STK36: variants seen among roughly 807,000 people sequenced by gnomAD.
STK36 encodes the protein serine/threonine kinase 36.
Under a neutral mutation model 142.2 loss-of-function variants are expected in STK36, and 116 were observed. The ratio of observed to expected loss-of-function variants is 0.82; its 90% CI spans 0.70 to 0.95. STK36 has a LOEUF of 0.95. STK36 is among the 40% of genes least tolerant of loss of function. The probability of loss-of-function intolerance (pLI) is 0.00; values close to 1 mark genes in which losing one functional copy is unlikely to be tolerated. For missense variants in STK36, 1,422 were observed against 1,617.2 expected (o/e 0.88, Z 2.07); for synonymous variants, 619 against 641.7 (o/e 0.96, Z 0.53).
chr2:218,673,300 A>T (rs1940074400), intron 2 of STK36: 1 of 392,960 alleles, frequency 2.5e-6, no homozygotes, highest in East Asian at 4.7e-5. Flanking sequence ...TAAGAGGTAA[A>T]CCACTTGAAC....
At chr2:218,683,869 A>T (rs547403156) in intron 10 of STK36, among the ~76,000 whole-genome samples, 23 of 151,476 alleles carry the variant, frequency 1.5e-4, no homozygotes, top group Non-Finnish European at 5.9e-5. Context: ...TTTACTGAGA[A>T]TGATGATTTC....
chr2:218,674,062 G>T, intron 4 of STK36, 106 bp downstream of exon 4: 1 of 1,130,236 alleles, frequency 8.8e-7, no homozygotes, highest in South Asian at 1.5e-5. Flanking sequence ...AAAGACTTCT[G>T]AGAAGAATAT....
At chr2:218,687,738 T>C (rs1209800354) in intron 11 of STK36, among the ~76,000 whole-genome samples, 1 of 152,232 alleles carries the variant, frequency 6.6e-6, no homozygotes, top group East Asian at 1.9e-4. Context: ...ATAAAATGGC[T>C]AATTCTATTT....
chr2:218,697,013 C>T (rs1941258436), intron 22 of STK36, 26 bp from the exon 23 acceptor site: 2 of 1,612,132 alleles, frequency 1.2e-6, no homozygotes. Flanking sequence ...GTCTTTCCCC[C>T]CGCCCTCTTT....
chr2:218,680,967 A>G (rs887026200), intron 10 of STK36, among the ~76,000 whole-genome samples: 14 of 152,166 alleles, frequency 9.2e-5, no homozygotes, highest in African/African-American at 3.4e-4. Flanking sequence ...TCTCCTCCCA[A>G]ACTTTCTGTA....
chr2:218,689,449 C>T (rs560176707), intron 12 of STK36, among the ~76,000 whole-genome samples: 4 of 152,270 alleles, frequency 2.6e-5, no homozygotes, highest in South Asian at 2.1e-4. Context: ...ACCTCTACTT[C>T]CCCCTGCTGT....
rs367559368 is a variant in STK36 at position 218,697,538 on chromosome 2, A to G, written c.2837A>G (p.Gln946Arg). Reference protein sequence around the residue: ...EPQLCLSCLSQHGSILMSILK... With the variant: ...EPQLCLSCLSRHGSILMSILK... Reference sequence around the variant, plus strand: ...CAGTTATGCCTGAGCTGCCTGTCCCAGCATGGAAGTATCCTCATGTCCATC... The same window carrying G: ...CAGTTATGCCTGAGCTGCCTGTCCCGGCATGGAAGTATCCTCATGTCCATC... Residue 946 changes from glutamine (Q) to arginine (R), a missense_variant, in exon 24 of 27, where the codon CAG (glutamine) becomes CGG (arginine). Around this residue, in one of 2 missense-constraint regions of STK36, gnomAD observed 962 missense variants for 1,167.5 expected, o/e 0.82. Transcript: ENST00000295709. The G allele has an allele frequency of 3.1e-6, 5 of 1,614,100 alleles. No homozygotes were observed. The highest frequency in any genetic ancestry group is 4.2e-6 in the Non-Finnish European group (5 of 1,180,042).
rs777855439 is a variant in STK36 at position 218,693,285 on chromosome 2, C to T, written c.2089C>T (p.Leu697Phe). The T allele has an allele frequency of 5.6e-6, 9 of 1,614,120 alleles. No homozygotes were observed. Among genetic ancestry groups the T allele is most frequent in the Non-Finnish European group, 7.6e-6 (9 of 1,180,056 alleles). Reference sequence around the variant, plus strand: ...TCAGCTAACTGAAGACAGCAGCCAGCTCAGGCCATCCCTCATCTCTGGCCT... The same window carrying T: ...TCAGCTAACTGAAGACAGCAGCCAGTTCAGGCCATCCCTCATCTCTGGCCT... ...ANQLTEDSSQLRPSLISGLQH... is the reference protein window; with the variant it reads ...ANQLTEDSSQFRPSLISGLQH... Residue 697 changes from leucine to phenylalanine, a missense_variant, in exon 17 of 27, where the codon CTC (leucine) becomes TTC (phenylalanine). Transcript: ENST00000295709.
rs202118575 is a variant in STK36 at position 218,675,377 on chromosome 2, T to A, written c.338T>A (p.Leu113Gln). The change falls in exon 5 of 27, where the codon CTG becomes CAG. Residue 113 changes from leucine (L) to glutamine (Q), a missense_variant. Transcript: ENST00000295709. ...QAIAAQLVSA[L>Q]YYLHSHRILH... ...ATTGCTGCCCAGTTGGTGTCAGCCC[T>A]GTACTATCTGCATTCCCACCGCATC... 1 of 1,613,968 alleles carries A rather than the reference T, an allele frequency of 6.2e-7. No individual in the cohort carries two copies. Among genetic ancestry groups the A allele is most frequent in the East Asian group, 2.2e-5 (1 of 44,878 alleles).
chr2:218,685,913 C>T (rs1559336632), intron 11 of STK36, among the ~76,000 whole-genome samples: 1 of 151,960 alleles, frequency 6.6e-6, no homozygotes, highest in Non-Finnish European at 1.5e-5. Flanking sequence ...ACATTTTCAT[C>T]ACCCCAGTAA....
chr2:218,695,522 C>A (rs1197012086), intron 21 of STK36, among the ~76,000 whole-genome samples: 1 of 137,738 alleles, frequency 7.3e-6, no homozygotes, highest in African/African-American at 3.0e-5. Flanking sequence ...GCCACCATGT[C>A]CAGTCTTTTT....
In STK36 at chr2:218,697,152, G is replaced by C; in HGVS notation, c.2700G>C (p.Gly900=). Residue 900 remains glycine (G), a synonymous_variant, in exon 23 of 27, where the codon GGG becomes GGC. Transcript: ENST00000295709. ...CCGAGGAGGCATCTGCACAGGAAGG[G>C]GAGCTTTCGCTATCCAGTCCACCAA... The part of the protein sequence containing the change: ...RLPEEASAQE[G]ELSLSSPPSP... 1 of 1,614,182 alleles carries C rather than the reference G, an allele frequency of 6.2e-7. No individual in the cohort carries two copies. The highest frequency in any genetic ancestry group is 1.1e-5 in the South Asian group (1 of 91,082).
rs1371055828 is a variant in STK36, at chr2:218,698,771, T to A, written c.3227T>A (p.Leu1076Gln). The A allele has an allele frequency of 6.2e-7, 1 of 1,614,206 alleles. No individual in the cohort carries two copies. The change falls in exon 26 of 27, where the codon CTG (leucine) becomes CAG (glutamine). Residue 1076 changes from leucine to glutamine, a missense_variant. Leu to Gln is a moderately radical substitution (Grantham distance 113). Around this residue, in one of 2 missense-constraint regions of STK36, gnomAD observed 962 missense variants for 1,167.5 expected, o/e 0.82. Transcript: ENST00000295709. The stretch of plus-strand genomic sequence containing the variant: ...GTTGCCCTCCTGAGTGACCAGCCAC[T>A]GTTGACCTCCGACCTTCTCTCTCTG... ...LSVALLSDQPLLTSDLLSLLA... is the reference protein window; with the variant it reads ...LSVALLSDQPQLTSDLLSLLA...
rs201822699 is a variant in STK36, at chr2:218,692,686, C to T, written c.2019C>T (p.Pro673=). The change falls in exon 16 of 27, where the codon CCC becomes CCT. Residue 673 remains proline, a synonymous_variant. Transcript: ENST00000295709. ...TATGCACTGCTCCTGTGGGACTGCC[C>T]GACTGCTGGGATGCCAAGGAGCAGG... is the stretch of plus-strand genomic sequence containing the variant. ...AAICTAPVGL[P]DCWDAKEQVC... 2.0e-4 allele frequency: 321 copies of T among 1,613,098 alleles called. No homozygotes were observed. The highest frequency in any genetic ancestry group is 2.4e-4 in the Non-Finnish European group (283 of 1,179,792).
Position 218,689,867 on chromosome 2 carries a change from G to T in STK36, c.1569G>T (p.Trp523Cys), listed in dbSNP as rs1217392085. ...QESNSLQQQS[W>C]YGTFLQDLMA... ...CTCCTTTTCCTGGGCAGCAATCTTG[G>T]TATGGGACCTTCTTACAGGACCTGA... is the stretch of plus-strand genomic sequence containing the variant. Residue 523 changes from tryptophan to cysteine, a missense_variant, in exon 13 of 27, where the codon TGG becomes TGT. By Grantham distance (215) the Trp-to-Cys change is radical (BLOSUM62 -2). Around this residue, in one of 2 missense-constraint regions of STK36, gnomAD observed 962 missense variants for 1,167.5 expected, o/e 0.82. Transcript: ENST00000295709. 20 of 1,609,636 alleles carry T rather than the reference G, an allele frequency of 1.2e-5. No homozygotes were observed. The highest frequency in any genetic ancestry group is 1.6e-5 in the Non-Finnish European group (19 of 1,177,940).
At chr2:218,686,423 AATTTTTTGT>A (rs1940781423) in intron 11 of STK36, among the ~76,000 whole-genome samples, 2 of 151,624 alleles carry the variant, frequency 1.3e-5, no homozygotes, top group Non-Finnish European at 2.9e-5. Context: ...ATGCTTAGCT[AATTTTTTGT>A]ATTTTTTGTA....
At chr2:218,684,111 T>G (rs1208129877) in intron 10 of STK36, among the ~76,000 whole-genome samples, 1 of 146,480 alleles carries the variant, frequency 6.8e-6, no homozygotes, top group East Asian at 2.0e-4. Flanking sequence ...ACGATCTTTT[T>G]TTTTTTTTTT....
intron 8 of STK36, 41 bp downstream of exon 8, chr2:218,679,770 G>C (rs375670924): frequency 5.6e-6 from 9 of 1,612,654 alleles, no homozygotes; most frequent in Non-Finnish European, 7.6e-6. Flanking sequence ...GACCAGGCTA[G>C]TGACTGGGGA....
Position 218,676,070 on chromosome 2 carries a change from C to G in STK36, c.476C>G (p.Ser159Cys). Reference protein sequence around the residue: ...AMSTNTMVLTSIKGTPLYMSP... With the variant: ...AMSTNTMVLTCIKGTPLYMSP... ...AGCACCAATACAATGGTGCTGACAT[C>G]CATCAAAGGCACACCACTCTATATG... The change falls in exon 6 of 27, where the codon TCC becomes TGC. Residue 159 changes from serine to cysteine, a missense_variant. Around this residue, in one of 2 missense-constraint regions of STK36, gnomAD observed 460 missense variants for 449.6 expected, o/e 1.02. Transcript: ENST00000295709. 2 of 1,614,144 alleles carry G rather than the reference C, an allele frequency of 1.2e-6. No homozygotes were observed. Among genetic ancestry groups the G allele is most frequent in the Non-Finnish European group, 1.7e-6 (2 of 1,180,022 alleles).
Sources: allele counts gnomAD v4.1 joint callset (sites outside exome capture counted in the v4.1 genomes callset), GRCh38; gene constraint gnomAD v4.1.1; regional missense constraint gnomAD v4.1.1; transcripts MANE v1.5; gene names NCBI Gene and HGNC (gene_info 2026-07-23, HGNC 2026-07-21).